The following NRG3 variants were observed in gnomAD, a reference collection of about 807,000 sequenced individuals.
NRG3 encodes neuregulin 3.
A neutral mutation model predicts 66.9 loss-of-function variants in NRG3; 31 were observed. The ratio of observed to expected loss-of-function variants is 0.46; its 90% CI spans 0.35 to 0.63. NRG3 has a LOEUF of 0.63. NRG3 is among the 20% of genes least tolerant of loss of function. NRG3 has a pLI of 0.00. For missense variants in NRG3, 910 were observed against 878.9 expected (o/e 1.04, Z -0.45); for synonymous variants, 393 against 359.4 (o/e 1.09, Z -1.06).
At chr10:82,399,288 A>C (rs965160798) in intron 2 of NRG3, among the ~76,000 whole-genome samples, 1 of 152,202 alleles carries the variant, frequency 6.6e-6, no homozygotes, top group African/African-American at 2.4e-5. Context: ...AATTACACCA[A>C]CTCAAACCCA....
At chr10:81,899,924 G>C (rs1843873091) in intron 1 of NRG3, among the ~76,000 whole-genome samples, 1 of 151,844 alleles carries the variant, frequency 6.6e-6, no homozygotes, top group Admixed American at 6.6e-5. Flanking sequence ...AGAATCTGCT[G>C]TGTGTTTACA....
intron 2 of NRG3, among the ~76,000 whole-genome samples, chr10:82,637,213 T>C (rs1314880930): frequency 6.6e-6 from 1 of 152,156 alleles, no homozygotes; most frequent in East Asian, 1.9e-4. Flanking sequence ...TGAGAATATA[T>C]TAAAAGGACA....
chr10:82,745,365 C>G (rs369184558), intron 3 of NRG3, among the ~76,000 whole-genome samples: 36 of 152,098 alleles, frequency 2.4e-4, no homozygotes, highest in African/African-American at 8.7e-4. Flanking sequence ...CTTGAGGACA[C>G]AAAGCAGAAA....
At chr10:82,160,626 A>G (rs1015548032) in intron 1 of NRG3, among the ~76,000 whole-genome samples, 1 of 151,910 alleles carries the variant, frequency 6.6e-6, no homozygotes, top group Non-Finnish European at 1.5e-5. Context: ...AGAAGAAGAA[A>G]TAGGACTGTA....
At chr10:82,824,561 T>A (rs1228784184) in intron 3 of NRG3, among the ~76,000 whole-genome samples, 1 of 152,182 alleles carries the variant, frequency 6.6e-6, no homozygotes, top group Non-Finnish European at 1.5e-5. Flanking sequence ...ATTCTAGTTA[T>A]AGTAGTGTGT....
chr10:82,279,200 C>G (rs2079008156), intron 1 of NRG3, among the ~76,000 whole-genome samples: 1 of 152,126 alleles, frequency 6.6e-6, no homozygotes, highest in Non-Finnish European at 1.5e-5. Context: ...TTCTAGGCAG[C>G]AGCGCCCATG....
At chr10:82,297,173 A>G (rs2080116155) in intron 1 of NRG3, among the ~76,000 whole-genome samples, 1 of 152,118 alleles carries the variant, frequency 6.6e-6, no homozygotes, top group Non-Finnish European at 1.5e-5. Context: ...TTCTTTATCC[A>G]TTCCACTGTT....
chr10:82,282,749 CT>C (rs1221016949), intron 1 of NRG3, among the ~76,000 whole-genome samples: 1 of 152,124 alleles, frequency 6.6e-6, no homozygotes, highest in African/African-American at 2.4e-5. Context: ...TGGTGGTCCC[CT>C]GAGTCGCAGT....
intron 3 of NRG3, among the ~76,000 whole-genome samples, chr10:82,831,115 C>G (rs1215361754): frequency 6.6e-6 from 1 of 152,128 alleles, no homozygotes; most frequent in African/African-American, 2.4e-5. Context: ...TAACGTTGCT[C>G]TAAGACTTGA....
chr10:82,747,775 T>C (rs1190389194), intron 3 of NRG3, among the ~76,000 whole-genome samples: 1 of 151,968 alleles, frequency 6.6e-6, no homozygotes, highest in Admixed American at 6.5e-5. Context: ...TTATTATTTA[T>C]GATATTTTTT....
rs75745552 is a variant in NRG3 at position 81,892,487 on chromosome 10, A to C, written c.823+16324A>C. Among the ~76,000 whole-genome samples the C allele has an allele frequency of 3.9e-4, 59 of 152,242 alleles. No individual in the cohort carries two copies. The East Asian group carries it at 0.011, about 27-fold the overall frequency. On this transcript the variant is annotated intron_variant, in intron 1 of 8. Coordinates refer to ENST00000372141, the MANE Select transcript of NRG3 (RefSeq NM_001010848.4). Reference sequence around the variant, plus strand: ...TTTTACAAAGAGTGTTACAAGAAGAACAGAGGGCTAAAAAATGGTATTCCT... The same window carrying C: ...TTTTACAAAGAGTGTTACAAGAAGACCAGAGGGCTAAAAAATGGTATTCCT...
intron 1 of NRG3, among the ~76,000 whole-genome samples, chr10:82,273,300 C>T (rs539273218): frequency 6.6e-6 from 1 of 152,070 alleles, no homozygotes; most frequent in African/African-American, 2.4e-5. Context: ...GCTCTAAAGA[C>T]TCTTCTGTAG....
At chr10:82,092,402 ACACATG>A (rs1196482214) in intron 1 of NRG3, among the ~76,000 whole-genome samples, 4 of 152,182 alleles carry the variant, frequency 2.6e-5, no homozygotes, top group Middle Eastern at 3.4e-3. Context: ...ACACGCACAC[ACACATG>A]CACATGCACA....
At chr10:81,923,259 G>A (rs1245661550) in intron 1 of NRG3, among the ~76,000 whole-genome samples, 1 of 149,984 alleles carries the variant, frequency 6.7e-6, no homozygotes, top group African/African-American at 2.5e-5. Context: ...AATTTGGAAT[G>A]CGGTGGCGCG....
In NRG3 at chr10:82,975,391, AAT is replaced by A. The variant is rs1318430059; in HGVS notation, c.1412+1479_1412+1480del. On this transcript the variant is annotated intron_variant, in intron 7 of 8. Transcript: ENST00000372141. ...TATATGTTTTAAAACATCAGCTCTT[AAT>A]ATGTTTGAGCTGCAATATTCCTATC... Among the ~76,000 whole-genome samples the A allele has an allele frequency of 7.9e-5, 12 of 152,246 alleles. No homozygotes were observed. In the South Asian group the frequency reaches 1.9e-3, roughly 24 times the overall value.
chr10:82,383,888 A>T (rs1016897124), intron 2 of NRG3, among the ~76,000 whole-genome samples: 4 of 151,884 alleles, frequency 2.6e-5, no homozygotes, highest in Admixed American at 6.6e-5. Context: ...CTATTTAATT[A>T]TCCTGGTTAA....
At chr10:82,439,837 A>C (rs143421693) in intron 2 of NRG3, among the ~76,000 whole-genome samples, 271 of 152,128 alleles carry the variant, frequency 1.8e-3, no homozygotes, top group African/African-American at 6.1e-3. Context: ...TCCATGTATA[A>C]AAGTAGTATG....
At chr10:82,651,169 A>G (rs2051382002) in intron 2 of NRG3, among the ~76,000 whole-genome samples, 1 of 152,202 alleles carries the variant, frequency 6.6e-6, no homozygotes, top group Non-Finnish European at 1.5e-5. Context: ...TACATTGGTT[A>G]GAAGAAGATG....
At chr10:82,179,442 A>T (rs945514162) in intron 1 of NRG3, among the ~76,000 whole-genome samples, 1 of 151,918 alleles carries the variant, frequency 6.6e-6, no homozygotes, top group African/African-American at 2.4e-5. Flanking sequence ...CAATATATGG[A>T]TTCCATTTCA....
Sources: allele counts gnomAD v4.1 joint callset (sites outside exome capture counted in the v4.1 genomes callset), GRCh38; gene constraint gnomAD v4.1.1; transcripts MANE v1.5; gene names NCBI Gene and HGNC (gene_info 2026-07-23, HGNC 2026-07-21).